The following TEX36 variants were observed in gnomAD, a reference collection of about 807,000 sequenced individuals.
The protein encoded by TEX36 is testis expressed 36.
TEX36 carries 12 observed loss-of-function variants against 13.6 expected under a neutral mutation model. That is an observed-to-expected ratio of 0.88 (90% confidence interval 0.56 to 1.43). The LOEUF is 1.43. Among genes scored for constraint, TEX36 ranks in the 40% most tolerant of loss-of-function variants. The pLI is 0.00. For synonymous variants in TEX36, 93 were observed against 83.0 expected (o/e 1.12, Z -0.65); for missense variants, 224 against 228.3 (o/e 0.98, Z 0.12).
At chr10:125,618,245 G>T (rs2133557365), downstream of TEX36, among the ~76,000 whole-genome samples, 1 of 152,264 alleles carries the variant, frequency 6.6e-6, no homozygotes, top group East Asian at 1.9e-4. Flanking sequence ...TCCTCCCGTA[G>T]CTCGGAGTAA....
chr10:125,639,712 C>A (rs1846662114), intron 3 of TEX36, among the ~76,000 whole-genome samples: 1 of 152,198 alleles, frequency 6.6e-6, no homozygotes. Flanking sequence ...CCCAGACTAT[C>A]CTCGTTGATT....
chr10:125,682,873 C>A (rs1847417954), intron 1 of TEX36, 66 bp downstream of exon 1: 2 of 1,515,714 alleles, frequency 1.3e-6, no homozygotes, highest in Admixed American at 3.9e-5. Flanking sequence ...AGGATTGGAA[C>A]TCCTCAGACT....
chr10:125,586,541 G>T lies in TEX36; in HGVS notation c.265-9667C>A, dbSNP rs144536242. ...AGGGTGGCTCTTGCCCGTACTTCCA[G>T]CAGTGTGAGAGGTCAAGGTGGGCAG... On this transcript the variant is annotated intron_variant, in intron 3 of 3. Coordinates refer to the TEX36 transcript ENST00000532135. Among the ~76,000 whole-genome samples, 973 of 150,212 alleles carry T rather than the reference G, an allele frequency of 6.5e-3. 9 individuals are homozygous for T. The highest frequency in any genetic ancestry group is 0.017 in the Admixed American group (252 of 14,828).
chr10:125,672,953 G>GT (rs543844289), intron 1 of TEX36, among the ~76,000 whole-genome samples: 2 of 152,028 alleles, frequency 1.3e-5, no homozygotes. Flanking sequence ...CACAACCCCT[G>GT]TTTTTTTCTG....
chr10:125,602,455 C>T (rs182117559), intron 3 of TEX36, among the ~76,000 whole-genome samples: 2 of 152,320 alleles, frequency 1.3e-5, no homozygotes, highest in East Asian at 3.9e-4. Flanking sequence ...GCACCTTCCG[C>T]CCCGTCTCGT....
At chr10:125,667,254 G>T in intron 1 of TEX36, 1 of 626,496 alleles carries the variant, frequency 1.6e-6, no homozygotes, top group Non-Finnish European at 3.0e-6. Flanking sequence ...GGGTGACCAT[G>T]CTGGGGTTCA....
intron 3 of TEX36, among the ~76,000 whole-genome samples, chr10:125,636,097 A>G (rs1846620348): frequency 6.6e-6 from 1 of 151,270 alleles, no homozygotes; most frequent in Admixed American, 6.6e-5. Flanking sequence ...CTGGTCTGGA[A>G]CTCCTGGACT....
chr10:125,664,540 C>T (rs567009513), intron 1 of TEX36, among the ~76,000 whole-genome samples: 25 of 152,178 alleles, frequency 1.6e-4, no homozygotes, highest in Admixed American at 1.3e-3. Context: ...ATCATGGGGG[C>T]GGATTTCCCC....
intron 3 of TEX36, among the ~76,000 whole-genome samples, chr10:125,593,218 C>T (rs1846043535): frequency 6.6e-6 from 1 of 152,238 alleles, no homozygotes; most frequent in Non-Finnish European, 1.5e-5. Context: ...ATTAGCATGA[C>T]ACTTGCTACT....
chr10:125,605,484 C>T (rs146776983), intron 3 of TEX36, among the ~76,000 whole-genome samples: 15 of 151,946 alleles, frequency 9.9e-5, no homozygotes, highest in African/African-American at 3.6e-4. Flanking sequence ...AATCTCCATA[C>T]ACAGCATAGC....
chr10:125,641,301 C>T (rs1351059477), intron 3 of TEX36, among the ~76,000 whole-genome samples: 1 of 152,200 alleles, frequency 6.6e-6, no homozygotes, highest in African/African-American at 2.4e-5. Context: ...GTCCTAAATG[C>T]TAAAGCAGAC....
chr10:125,594,121 T>A lies in TEX36; in HGVS notation c.265-17247A>T, dbSNP rs144698622. Among the ~76,000 whole-genome samples the A allele has an allele frequency of 3.5e-3, 531 of 152,288 alleles. 5 individuals carry two copies. Among genetic ancestry groups the A allele is most frequent in the Non-Finnish European group, 6.1e-3 (413 of 68,024 alleles). On this transcript the variant is annotated intron_variant, in intron 3 of 3. Coordinates refer to the TEX36 transcript ENST00000532135. ...GACGTAGAAGGACCCAGCTGCCATC[T>A]GGATTATATTTTGGGGAAGAGGGAC...
chr10:125,607,287 C>T (rs1429163213), intron 3 of TEX36, among the ~76,000 whole-genome samples: 1 of 152,208 alleles, frequency 6.6e-6, no homozygotes, highest in East Asian at 1.9e-4. Flanking sequence ...CCAGTGCTGT[C>T]AAGCAAGTGC....
chr10:125,629,400 A>T (rs941640735), intron 3 of TEX36, among the ~76,000 whole-genome samples: 1 of 152,220 alleles, frequency 6.6e-6, no homozygotes, highest in African/African-American at 2.4e-5. Context: ...GTCAGAATGC[A>T]TGGGGGGAGG....
chr10:125,636,287 G>T (rs563860240), intron 3 of TEX36, among the ~76,000 whole-genome samples: 1 of 148,250 alleles, frequency 6.7e-6, no homozygotes, highest in Non-Finnish European at 1.5e-5. Context: ...CTCACTGCAA[G>T]CTCCGCCTCC....
At chr10:125,617,044 CTTCT>C (rs1158166806), downstream of TEX36, among the ~76,000 whole-genome samples, 1 of 152,126 alleles carries the variant, frequency 6.6e-6, no homozygotes, top group Non-Finnish European at 1.5e-5. Context: ...AAGTAATGGC[CTTCT>C]TTGTCTCTTT....
chr10:125,644,175 A>G (rs1333733156), intron 3 of TEX36, among the ~76,000 whole-genome samples: 1 of 152,246 alleles, frequency 6.6e-6, no homozygotes, highest in East Asian at 1.9e-4. Flanking sequence ...GAAAACCTCT[A>G]CAGGTTGGCT....
rs141187600 is a variant in TEX36 at position 125,589,245 on chromosome 10, A to G, written c.265-12371T>C. Reference sequence around the variant, plus strand: ...CTCACTGACTTCTCCTTTTCATTCTAATAGTTTGTCAGTTGACCCTGTTGG... The same window carrying G: ...CTCACTGACTTCTCCTTTTCATTCTGATAGTTTGTCAGTTGACCCTGTTGG... On this transcript the variant is annotated intron_variant, in intron 3 of 3. Transcript: ENST00000532135. Among the ~76,000 whole-genome samples the G allele has an allele frequency of 5.2e-3, 791 of 152,324 alleles. 7 individuals are homozygous for G. The highest frequency in any genetic ancestry group is 0.018 in the African/African-American group (748 of 41,556).
At chr10:125,650,815 A>T (rs1431249068), downstream of TEX36, among the ~76,000 whole-genome samples, 1 of 152,244 alleles carries the variant, frequency 6.6e-6, no homozygotes, top group Non-Finnish European at 1.5e-5. Flanking sequence ...TCAAGGGGAT[A>T]TCACCACCGA....
Sources: gnomAD v4.1 joint callset for allele counts (sites outside exome capture counted in the v4.1 genomes callset) on GRCh38, gnomAD v4.1.1 for gene constraint, MANE v1.5 for transcripts, NCBI Gene and HGNC (gene_info 2026-07-23, HGNC 2026-07-21) for gene names.